IGF2R: variants seen among roughly 807,000 people sequenced by gnomAD.
The protein encoded by IGF2R is cation-independent mannose-6-phosphate receptor.
IGF2R carries 91 observed loss-of-function variants against 270.6 expected under a neutral mutation model. The observed-to-expected ratio is 0.34, with a 90% CI of 0.28 to 0.40. IGF2R has a LOEUF of 0.40. Ranked by LOEUF, IGF2R falls within the 10% of genes least tolerant of loss-of-function variation. IGF2R has a pLI of 1.00. For missense variants in IGF2R, 2,805 were observed against 3,188.3 expected (o/e 0.88, Z 2.90); for synonymous variants, 1,316 against 1,258.9 (o/e 1.05, Z -0.96).
chr6:160,050,724 T>C lies in IGF2R; in HGVS notation c.2694+72T>C. 7.3e-7 allele frequency: 1 copy of C among 1,374,804 alleles called. No homozygotes were observed. Among genetic ancestry groups the C allele is most frequent in the Non-Finnish European group, 9.9e-7 (1 of 1,008,832 alleles). The allele number at this position is 1,374,804 out of a possible 1,614,324, so 85.2% of individuals were successfully genotyped here. ...ACTGAGCGTTGCCTTATGTGTCTCT[T>C]AACAGCAGCAGTCTTGGGGTGGGTG... On this transcript the variant is annotated intron_variant, in intron 19 of 47. Transcript: ENST00000356956. This position sits in a 1 kb window ranked among gnomAD's most constrained non-coding sequence, Gnocchi z 4.0.
intron 12 of IGF2R, 80 bp from the exon 13 acceptor site, chr6:160,044,432 CTT>C (rs374255645): frequency 1.4e-5 from 15 of 1,048,520 alleles, no homozygotes; most frequent in East Asian, 2.8e-5. Context: ...CTCTTTCTTT[CTT>C]TTTTTTTTAA....
At chr6:160,060,420 A>G in intron 22 of IGF2R, 127 bp from the exon 23 acceptor site, 2 of 857,212 alleles carry the variant, frequency 2.3e-6, no homozygotes, top group South Asian at 3.2e-5. Flanking sequence ...CCCTGGTGTC[A>G]TTGCTCCCAC....
chr6:160,067,715 T>C (rs891714676), intron 29 of IGF2R, among the ~76,000 whole-genome samples: 3 of 152,236 alleles, frequency 2.0e-5, no homozygotes, highest in Non-Finnish European at 4.4e-5. Context: ...TGGTTCCCAG[T>C]TACTGTCTGT....
intron 10 of IGF2R, among the ~76,000 whole-genome samples, chr6:160,037,157 A>C (rs1334334873): frequency 1.3e-5 from 2 of 152,164 alleles, no homozygotes; most frequent in African/African-American, 4.8e-5. Flanking sequence ...CGTTGTACTT[A>C]ACAAAATTAA....
chr6:160,062,114 A>G (rs1412817182), intron 25 of IGF2R, among the ~76,000 whole-genome samples, 186 bp downstream of exon 25: 1 of 150,900 alleles, frequency 6.6e-6, no homozygotes, highest in Admixed American at 6.6e-5. Flanking sequence ...AATGTTACGT[A>G]GTTTGCACAT....
At position 160,012,018 on chromosome 6, in the gene IGF2R, G is replaced by T. The variant is rs546402701; in HGVS notation, c.513+1233G>T. Among the ~76,000 whole-genome samples, 5 of 152,096 alleles carry T rather than the reference G, an allele frequency of 3.3e-5. No individual in the cohort carries two copies. The South Asian group carries it at 1.0e-3, about 32-fold the overall frequency. On this transcript the variant is annotated intron_variant, in intron 4 of 47. Coordinates refer to ENST00000356956, the MANE Select transcript of IGF2R (RefSeq NM_000876.4). Reference sequence around the variant, plus strand: ...ATGTTTATTTAAAAACATTAATTCAGATTAAATTATGAACAATAAATCACT... The same window carrying T: ...ATGTTTATTTAAAAACATTAATTCATATTAAATTATGAACAATAAATCACT...
chr6:160,057,853 T>G (rs993432029), intron 20 of IGF2R, among the ~76,000 whole-genome samples, 170 bp from the exon 21 acceptor site: 2 of 152,194 alleles, frequency 1.3e-5, no homozygotes, highest in Non-Finnish European at 2.9e-5. Context: ...GGGTGGTGTA[T>G]TTGAAGAGGC....
chr6:160,108,905 TCTC>T lies in IGF2R; in HGVS notation c.*3824_*3826del, dbSNP rs1469682888. 2.0e-5 allele frequency: 3 copies of T among 152,112 alleles called. No individual in the cohort carries two copies. The highest frequency in any genetic ancestry group is 6.6e-5 in the Admixed American group (1 of 15,258). The allele number at this position is 152,112 out of a possible 1,614,324, so 9.4% of individuals were successfully genotyped here. A position where few individuals can be genotyped will look rare whatever the true frequency, so the allele number is the denominator to read the frequency against. On this transcript the variant is annotated 3_prime_UTR_variant, in exon 48 of 48. Transcript: ENST00000356956. ...ACCGTGTTGGCCAGGATGGTCTCGA[TCTC>T]CTGACCTCATGATCCACCTGCCTCG...
At chr6:159,989,340 GT>G (rs1477699558) in intron 1 of IGF2R, among the ~76,000 whole-genome samples, 1 of 152,160 alleles carries the variant, frequency 6.6e-6, no homozygotes, top group African/African-American at 2.4e-5. Context: ...GGTTGGTTTT[GT>G]GCTGAGTCAT....
At chr6:160,026,045 C>A (rs1267855101) in intron 5 of IGF2R, among the ~76,000 whole-genome samples, 1 of 152,172 alleles carries the variant, frequency 6.6e-6, no homozygotes, top group African/African-American at 2.4e-5. Flanking sequence ...AAGTCTCAAA[C>A]CAAGATTGAA....
At position 160,058,890 on chromosome 6, in the gene IGF2R, A is replaced by G; in HGVS notation, c.2899-16A>G. On this transcript the variant is annotated splice_polypyrimidine_tract_variant and intron_variant, in intron 21 of 47. Transcript: ENST00000356956. ...GCATAAATTTGTTTGTATGGCTCTT[A>G]CCGTCTGACCTGCAGTTTAATGTCT... The G allele has an allele frequency of 6.2e-7, 1 of 1,611,998 alleles. No individual in the cohort carries two copies. The highest frequency in any genetic ancestry group is 8.5e-7 in the Non-Finnish European group (1 of 1,178,352).
chr6:160,103,549 C>T (rs1217017702), intron 46 of IGF2R, among the ~76,000 whole-genome samples, 197 bp from the exon 47 acceptor site: 1 of 152,150 alleles, frequency 6.6e-6, no homozygotes, highest in Non-Finnish European at 1.5e-5. Flanking sequence ...AGCCCATCTT[C>T]TTTCCACTCA....
At chr6:160,051,927 C>A (rs775707453) in intron 19 of IGF2R, among the ~76,000 whole-genome samples, 10 of 149,670 alleles carry the variant, frequency 6.7e-5, no homozygotes, top group Non-Finnish European at 1.2e-4. Flanking sequence ...GCACTGCAGC[C>A]TGGGAGACAA....
At chr6:160,024,105 C>T (rs565907837) in intron 4 of IGF2R, among the ~76,000 whole-genome samples, 21 of 152,124 alleles carry the variant, frequency 1.4e-4, no homozygotes, top group African/African-American at 2.9e-4. Context: ...AGCTGGTAAG[C>T]GGGGTTTTGC....
chr6:160,008,984 G>T, intron 2 of IGF2R, 26 bp from the exon 3 acceptor site: 6 of 1,612,334 alleles, frequency 3.7e-6, no homozygotes, highest in Non-Finnish European at 5.1e-6. Flanking sequence ...TTTATAGCCT[G>T]TTCACTCTCT....
chr6:159,992,598 TCACA>T (rs71033567), intron 2 of IGF2R, among the ~76,000 whole-genome samples: 5,170 of 146,124 alleles, frequency 0.035, 139 homozygotes, highest in East Asian at 0.14. Flanking sequence ...AAGAATGAAA[TCACA>T]CACACACACA....
Position 160,024,695 on chromosome 6 carries a change from A to G in IGF2R, c.637A>G (p.Arg213Gly). Residue 213 changes from arginine (R) to glycine (G), a missense_variant, in exon 5 of 48, where the codon AGA becomes GGA. Physicochemically the swap from Arg to Gly is moderately radical, Grantham distance 125. Coordinates refer to ENST00000356956, the MANE Select transcript of IGF2R (RefSeq NM_000876.4). ...CACTTCTCTATTCATCAATGTTTGT[A>G]GAGACATAGGTATGAATCTTTGTGG... is the stretch of plus-strand genomic sequence containing the variant. ...PDTSLFINVC[R>G]DIDTLRDPGS... 1 of 1,614,112 alleles carries G rather than the reference A, an allele frequency of 6.2e-7. No homozygotes were observed. The highest frequency in any genetic ancestry group is 8.5e-7 in the Non-Finnish European group (1 of 1,179,982).
At chr6:160,021,163 A>G (rs1443324291) in intron 4 of IGF2R, among the ~76,000 whole-genome samples, 1 of 152,120 alleles carries the variant, frequency 6.6e-6, no homozygotes, top group Non-Finnish European at 1.5e-5. Context: ...TCTCTAAAGA[A>G]GACATACAAA....
At chr6:160,011,252 T>G (rs1446925055) in intron 4 of IGF2R, among the ~76,000 whole-genome samples, 3 of 152,208 alleles carry the variant, frequency 2.0e-5, no homozygotes, top group African/African-American at 7.2e-5. Context: ...GTCCCTCTCC[T>G]CAGCCTTGGG....
Sources: allele counts gnomAD v4.1 joint callset (sites outside exome capture counted in the v4.1 genomes callset), GRCh38; gene constraint gnomAD v4.1.1; non-coding constraint Gnocchi (gnomAD v3.1); transcripts MANE v1.5; gene names NCBI Gene and HGNC (gene_info 2026-07-23, HGNC 2026-07-21).